LRP1B: variants seen among roughly 807,000 people sequenced by gnomAD.
LRP1B encodes low-density lipoprotein receptor-related protein 1B.
Under a neutral mutation model 556.6 loss-of-function variants are expected in LRP1B, and 217 were observed. The ratio of observed to expected loss-of-function variants is 0.39; its 90% CI spans 0.35 to 0.44. LRP1B has a LOEUF of 0.44. Among genes scored for constraint, LRP1B ranks in the 20% least tolerant of loss-of-function variants. LRP1B has a pLI of 1.00. For missense variants in LRP1B, 5,053 were observed against 5,620.8 expected, an observed-to-expected ratio of 0.90 and a Z score of 3.23; for synonymous variants, 2,047 against 1,865.8, an observed-to-expected ratio of 1.10 and a Z score of -2.50.
At chr2:141,758,899 A>G (rs544284953) in intron 2 of LRP1B, among the ~76,000 whole-genome samples, 1 of 152,270 alleles carries the variant, frequency 6.6e-6, no homozygotes, top group African/African-American at 2.4e-5. Flanking sequence ...CTGTCCTTCA[A>G]ATTTCAATCT....
intron 3 of LRP1B, among the ~76,000 whole-genome samples, chr2:141,282,465 T>TTCTATGTATATGTATATG (rs1685543769): frequency 7.4e-6 from 1 of 135,660 alleles, no homozygotes; most frequent in East Asian, 2.2e-4. Context: ...CTCGGGGGTT[T>TTCTATGTATATGTATATG]TATATGTATA....
At chr2:140,302,532 G>A (rs72892280) in intron 83 of LRP1B, among the ~76,000 whole-genome samples, 5,598 of 152,220 alleles carry the variant, frequency 0.037, 118 homozygotes, top group South Asian at 0.083. Flanking sequence ...CAACTAGCCT[G>A]GGCAAAGGGA....
rs1281395032 is a variant in LRP1B, at chr2:140,463,216, G to C, written c.9626-5565C>G. ...GATAATGGTTTCTAGTTGATGAAGAGTGACAAAGAGTGGGTGGGTGGGAAA... is the reference window on the plus strand; with the variant it reads ...GATAATGGTTTCTAGTTGATGAAGACTGACAAAGAGTGGGTGGGTGGGAAA... On this transcript the variant is annotated intron_variant, in intron 60 of 90. Coordinates refer to ENST00000389484, the MANE Select transcript of LRP1B (RefSeq NM_018557.3). 2.6e-5 allele frequency among the ~76,000 whole-genome samples: 4 copies of C among 152,016 alleles called. No homozygotes were observed. The East Asian group carries it at 7.7e-4, about 29-fold the overall frequency.
chr2:141,498,641 T>TC (rs1207516133), intron 2 of LRP1B, among the ~76,000 whole-genome samples: 2 of 151,860 alleles, frequency 1.3e-5, no homozygotes, highest in African/African-American at 2.4e-5. Flanking sequence ...TCATCCCCAC[T>TC]CCCCCAGCCC....
At chr2:140,584,829 A>G (rs538860598) in intron 43 of LRP1B, among the ~76,000 whole-genome samples, 37 of 152,204 alleles carry the variant, frequency 2.4e-4, no homozygotes, top group African/African-American at 8.2e-4. Context: ...AATATCAGTT[A>G]CCCTGGATAG....
At chr2:140,716,475 C>T (rs2105463095) in intron 36 of LRP1B, among the ~76,000 whole-genome samples, 1 of 152,140 alleles carries the variant, frequency 6.6e-6, no homozygotes, top group East Asian at 1.9e-4. Context: ...GTTAACACTA[C>T]ATAATCTACT....
intron 41 of LRP1B, among the ~76,000 whole-genome samples, chr2:140,681,855 A>T (rs796466137): frequency 2.0e-5 from 3 of 152,332 alleles, no homozygotes; most frequent in African/African-American, 7.2e-5. Context: ...ACACTAAAGA[A>T]AAAAAGGAGT....
At chr2:140,237,336 C>A (rs1573664812) in intron 89 of LRP1B, among the ~76,000 whole-genome samples, 1 of 150,908 alleles carries the variant, frequency 6.6e-6, no homozygotes, top group East Asian at 2.0e-4. Context: ...CCTCAAATGA[C>A]AGGATTTCCT....
At chr2:141,982,887 C>T (rs929323403) in intron 1 of LRP1B, among the ~76,000 whole-genome samples, 1 of 152,216 alleles carries the variant, frequency 6.6e-6, no homozygotes, top group East Asian at 1.9e-4. Flanking sequence ...TTCTTTTATG[C>T]TAAACAAGCT....
At chr2:141,195,010 ACAAATTCTTTGATACT>A (rs2105210805) in intron 6 of LRP1B, among the ~76,000 whole-genome samples, 1 of 152,274 alleles carries the variant, frequency 6.6e-6, no homozygotes, top group South Asian at 2.1e-4. Context: ...AAATATGCCC[ACAAATTCTTTGATACT>A]CCTCCTTTTA....
intron 41 of LRP1B, among the ~76,000 whole-genome samples, chr2:140,699,314 C>T (rs987567097): frequency 2.0e-5 from 3 of 151,896 alleles, no homozygotes; most frequent in African/African-American, 7.2e-5. Flanking sequence ...AAGCAGTTAG[C>T]TGAATAATAT....
intron 2 of LRP1B, among the ~76,000 whole-genome samples, chr2:141,514,451 G>A (rs1331421276): frequency 6.6e-6 from 1 of 152,138 alleles, no homozygotes; most frequent in Non-Finnish European, 1.5e-5. Flanking sequence ...GTTATTGCAT[G>A]TGTTTTGTTG....
In LRP1B at chr2:141,752,945, G is replaced by GGAAAAAAAAAAAAAAAAA. The variant is rs1694170974; in HGVS notation, c.205+57333_205+57334insTTTTTTTTTTTTTTTTTC. On this transcript the variant is annotated intron_variant, in intron 2 of 90. Coordinates refer to ENST00000389484, the MANE Select transcript of LRP1B (RefSeq NM_018557.3). ...GGTGACAGACTGAGACCCTGTCTCA[G>GGAAAAAAAAAAAAAAAAA]AAAAAAAAAAAAAAAATTATGCTGG... Among the ~76,000 whole-genome samples, 2 of 28,210 alleles carry GGAAAAAAAAAAAAAAAAA rather than the reference G, an allele frequency of 7.1e-5. 1 individual carries two copies. The highest frequency in any genetic ancestry group is 1.5e-4 in the Non-Finnish European group (2 of 13,436). The allele number at this position is 28,210 out of a possible 152,430, so 18.5% of individuals were successfully genotyped here.
chr2:140,607,794 C>T (rs1682925486), intron 41 of LRP1B, among the ~76,000 whole-genome samples: 1 of 151,828 alleles, frequency 6.6e-6, no homozygotes, highest in Non-Finnish European at 1.5e-5. Flanking sequence ...AATTTAAATA[C>T]CTGGCAATTT....
At chr2:140,248,308 T>C (rs910971019) in intron 86 of LRP1B, among the ~76,000 whole-genome samples, 1 of 151,696 alleles carries the variant, frequency 6.6e-6, no homozygotes, top group African/African-American at 2.4e-5. Flanking sequence ...GAAGCATATA[T>C]AGACTTGAAC....
chr2:141,584,583 G>A lies in LRP1B; in HGVS notation c.206-104050C>T, dbSNP rs151021964. On this transcript the variant is annotated intron_variant, in intron 2 of 90. Coordinates refer to ENST00000389484, the MANE Select transcript of LRP1B (RefSeq NM_018557.3). ...TATATATTTTTATTAATGAACAGTT[G>A]TATAATCCAAATTACCTATAGCTAA... Among the ~76,000 whole-genome samples the A allele has an allele frequency of 2.6e-5, 4 of 152,172 alleles. No individual in the cohort carries two copies. In the East Asian group the frequency reaches 7.7e-4, roughly 29 times the overall value.
At chr2:141,207,431 A>G (rs1682334411) in intron 6 of LRP1B, among the ~76,000 whole-genome samples, 1 of 152,238 alleles carries the variant, frequency 6.6e-6, no homozygotes, top group Non-Finnish European at 1.5e-5. Flanking sequence ...TCATATGGTA[A>G]TGAATTATTC....
At chr2:140,538,294 A>C (rs1002139008) in intron 45 of LRP1B, among the ~76,000 whole-genome samples, 7 of 152,058 alleles carry the variant, frequency 4.6e-5, no homozygotes, top group Admixed American at 3.3e-4. Context: ...CATGATACTG[A>C]GGTTTAAGAT....
chr2:141,168,912 C>A (rs764425538), intron 7 of LRP1B, among the ~76,000 whole-genome samples: 7 of 151,980 alleles, frequency 4.6e-5, no homozygotes, highest in Non-Finnish European at 5.9e-5. Flanking sequence ...GGAGTAAATG[C>A]AAGCAATAAG....
Sources: gnomAD v4.1 joint callset for allele counts (sites outside exome capture counted in the v4.1 genomes callset) on GRCh38, gnomAD v4.1.1 for gene constraint, MANE v1.5 for transcripts, NCBI Gene and HGNC (gene_info 2026-07-23, HGNC 2026-07-21) for gene names.